Variants in GPC6 observed in about 807,000 individuals in gnomAD.
GPC6 encodes the protein glypican 6, also known as glypican-6.
Under a neutral mutation model 55.2 loss-of-function variants are expected in GPC6, and 14 were observed. That is an observed-to-expected ratio of 0.25 (90% CI 0.17 to 0.40). GPC6 has a LOEUF of 0.40. Among genes scored for constraint, GPC6 ranks in the 10% least tolerant of loss-of-function variants. The probability of loss-of-function intolerance (pLI) is 1.00; values close to 1 mark genes in which losing one functional copy is unlikely to be tolerated. For synonymous variants in GPC6, 278 were observed against 259.6 expected (o/e 1.07, Z -0.68); for missense variants, 641 against 708.5 (o/e 0.90, Z 1.08).
At chr13:93,534,319 C>T (rs141252994) in intron 1 of GPC6, among the ~76,000 whole-genome samples, 85 of 152,312 alleles carry the variant, frequency 5.6e-4, no homozygotes, top group African/African-American at 1.7e-3. Context: ...CTTCCCTCTG[C>T]GCTCCAGAGC....
intron 4 of GPC6, among the ~76,000 whole-genome samples, chr13:94,046,396 C>T (rs1210478253): frequency 6.6e-6 from 1 of 152,000 alleles, no homozygotes; most frequent in Non-Finnish European, 1.5e-5. Context: ...TACAAGAAGA[C>T]CTCACTATTG....
At chr13:94,402,058 G>C (rs1435158863) in intron 8 of GPC6, among the ~76,000 whole-genome samples, 1 of 152,182 alleles carries the variant, frequency 6.6e-6, no homozygotes, top group Non-Finnish European at 1.5e-5. Flanking sequence ...GCAAGCAGCA[G>C]GTCATAGTTT....
intron 2 of GPC6, among the ~76,000 whole-genome samples, chr13:93,722,037 A>T (rs1019712614): frequency 1.3e-5 from 2 of 151,862 alleles, no homozygotes; most frequent in Non-Finnish European, 2.9e-5. Context: ...TTTTGACAAT[A>T]TACAGCAGAT....
chr13:93,419,416 T>C (rs1876841145), intron 1 of GPC6, among the ~76,000 whole-genome samples: 1 of 152,070 alleles, frequency 6.6e-6, no homozygotes, highest in South Asian at 2.1e-4. Context: ...ATTAAAATAC[T>C]ATGTTAATGC....
At chr13:93,297,491 T>C (rs1257709206) in intron 1 of GPC6, among the ~76,000 whole-genome samples, 1 of 152,024 alleles carries the variant, frequency 6.6e-6, no homozygotes, top group African/African-American at 2.4e-5. Flanking sequence ...ATTAGCTGAG[T>C]GTGTTAGCGT....
chr13:93,982,488 G>A (rs1167754709), intron 3 of GPC6, among the ~76,000 whole-genome samples: 1 of 152,134 alleles, frequency 6.6e-6, no homozygotes, highest in Non-Finnish European at 1.5e-5. Context: ...GAAAAGGGCA[G>A]TTTTAAAGAT....
chr13:93,775,813 A>T (rs1164596442), intron 2 of GPC6, among the ~76,000 whole-genome samples: 1 of 152,106 alleles, frequency 6.6e-6, no homozygotes, highest in Non-Finnish European at 1.5e-5. Context: ...TGTCGTCTAA[A>T]CAAACCAATT....
intron 6 of GPC6, among the ~76,000 whole-genome samples, chr13:94,308,024 A>T (rs564379030): frequency 5.4e-4 from 82 of 152,334 alleles, no homozygotes; most frequent in African/African-American, 1.9e-3. Context: ...AAGAGGGTAG[A>T]TGTCATGTTA....
At chr13:94,181,091 A>G (rs1888977600) in intron 4 of GPC6, among the ~76,000 whole-genome samples, 1 of 151,948 alleles carries the variant, frequency 6.6e-6, no homozygotes, top group Non-Finnish European at 1.5e-5. Context: ...TTTGATATCC[A>G]CTCTACCAGA....
intron 2 of GPC6, among the ~76,000 whole-genome samples, chr13:93,611,319 T>A (rs1358235443): frequency 1.3e-5 from 2 of 152,254 alleles, no homozygotes; most frequent in East Asian, 3.9e-4. Context: ...ATCTCCACTG[T>A]AGCATATTAA....
intron 1 of GPC6, among the ~76,000 whole-genome samples, chr13:93,487,579 GA>G (rs1879775832): frequency 6.6e-6 from 1 of 152,164 alleles, no homozygotes; most frequent in African/African-American, 2.4e-5. Flanking sequence ...ACAGAAAGTT[GA>G]AAAAGAACAG....
chr13:94,375,036 A>G, intron 6 of GPC6, among the ~76,000 whole-genome samples: 1 of 149,874 alleles, frequency 6.7e-6, no homozygotes, highest in Non-Finnish European at 1.5e-5. Context: ...ACAACATACC[A>G]GAATCTCTGG....
Position 93,676,164 on chromosome 13 carries a change from T to C in GPC6, c.319+130743T>C, listed in dbSNP as rs1382692168. ...ATATATATATATATATATATATATATATATACATACACACACACACACACA... is the reference window on the plus strand; with the variant it reads ...ATATATATATATATATATATATATACATATACATACACACACACACACACA... On this transcript the variant is annotated intron_variant, in intron 2 of 8. Transcript: ENST00000377047. Among the ~76,000 whole-genome samples the C allele has an allele frequency of 4.1e-3, 128 of 31,308 alleles. 3 individuals carry two copies. Among genetic ancestry groups the C allele is most frequent in the African/African-American group, 0.011 (114 of 10,684 alleles). 20.5% of individuals were successfully genotyped at this position (31,308 alleles called of 152,430 possible).
chr13:93,853,098 T>C (rs570632633), intron 3 of GPC6, among the ~76,000 whole-genome samples: 1 of 151,676 alleles, frequency 6.6e-6, no homozygotes, highest in East Asian at 1.9e-4. Flanking sequence ...CTTCTGACAT[T>C]GTCACTAATA....
At chr13:93,273,370 G>A (rs1248574821) in intron 1 of GPC6, among the ~76,000 whole-genome samples, 1 of 152,078 alleles carries the variant, frequency 6.6e-6, no homozygotes, top group East Asian at 1.9e-4. Flanking sequence ...AAAAAGTACT[G>A]TACATAGGCT....
intron 1 of GPC6, among the ~76,000 whole-genome samples, chr13:93,262,995 A>G (rs999932520): frequency 1.3e-5 from 2 of 152,192 alleles, no homozygotes; most frequent in African/African-American, 2.4e-5. Context: ...TGCTAGCTTT[A>G]TGGGTTTTTT....
Position 93,844,702 on chromosome 13 carries a change from G to T in GPC6, c.711+14157G>T, listed in dbSNP as rs576833334. ...TGTTGCCATTGCTTTTGGTGTTTTG[G>T]ACATGAAGTCCTTGCCCACGCCTAT... On this transcript the variant is annotated intron_variant, in intron 3 of 8. Coordinates refer to ENST00000377047, the MANE Select transcript of GPC6 (RefSeq NM_005708.5). 6.5e-4 allele frequency among the ~76,000 whole-genome samples: 95 copies of T among 146,292 alleles called. 1 individual carries two copies. Among genetic ancestry groups the T allele is most frequent in the Non-Finnish European group, 1.9e-4 (13 of 66,898 alleles).
At chr13:93,393,319 T>C (rs1875718643) in intron 1 of GPC6, among the ~76,000 whole-genome samples, 1 of 151,718 alleles carries the variant, frequency 6.6e-6, no homozygotes, top group South Asian at 2.1e-4. Context: ...TTTGTATTTT[T>C]AGTAGAGATG....
intron 3 of GPC6, among the ~76,000 whole-genome samples, chr13:93,858,035 C>T (rs1888682705): frequency 6.6e-6 from 1 of 151,148 alleles, no homozygotes; most frequent in Admixed American, 6.6e-5. Flanking sequence ...CAAATTCTAC[C>T]CTATAACAAA....
Sources: gnomAD v4.1 joint callset for allele counts (sites outside exome capture counted in the v4.1 genomes callset) on GRCh38, gnomAD v4.1.1 for gene constraint, MANE v1.5 for transcripts, NCBI Gene and HGNC (gene_info 2026-07-23, HGNC 2026-07-21) for gene names.